ATRN: variants seen among roughly 807,000 people sequenced by gnomAD.
ATRN encodes the protein attractin.
Under a neutral mutation model 178.7 loss-of-function variants are expected in ATRN, and 54 were observed. The observed-to-expected ratio is 0.30, with a 90% CI of 0.24 to 0.38. The LOEUF is 0.38. Among genes scored for constraint, ATRN ranks in the 10% least tolerant of loss-of-function variants. ATRN has a pLI of 1.00. For synonymous variants in ATRN, 636 were observed against 663.0 expected, an observed-to-expected ratio of 0.96 and a Z score of 0.63; for missense variants, 1,443 against 1,815.1, an observed-to-expected ratio of 0.79 and a Z score of 3.73.
At chr20:3,539,281 G>A (rs2085585432) in intron 2 of ATRN, among the ~76,000 whole-genome samples, 1 of 152,182 alleles carries the variant, frequency 6.6e-6, no homozygotes, top group Non-Finnish European at 1.5e-5. Flanking sequence ...TAGAGTCACT[G>A]GAGGAAGCAA....
intron 4 of ATRN, among the ~76,000 whole-genome samples, chr20:3,546,389 GTT>G (rs559052230): frequency 1.6e-4 from 18 of 113,394 alleles, no homozygotes; most frequent in African/African-American, 3.5e-4. Flanking sequence ...TAGTTCAACT[GTT>G]TTTTTTTTTT....
At chr20:3,640,480 T>C (rs2087059415) in intron 27 of ATRN, among the ~76,000 whole-genome samples, 1 of 152,026 alleles carries the variant, frequency 6.6e-6, no homozygotes, top group Non-Finnish European at 1.5e-5. Context: ...AATATACAGA[T>C]TCCAGAAGCA....
At chr20:3,504,747 C>A (rs1291451046) in intron 1 of ATRN, among the ~76,000 whole-genome samples, 1 of 148,694 alleles carries the variant, frequency 6.7e-6, no homozygotes, top group African/African-American at 2.5e-5. Flanking sequence ...ATAGACTGCC[C>A]CTTTCCTCCC....
rs546157418 is a variant in ATRN at position 3,546,390 on chromosome 20, T to G, written c.737+500T>G. ...TATGAGATGCGTTATAGTTCAACTG[T>G]TTTTTTTTTTTTTTTTTTTGAGACG... is the stretch of plus-strand genomic sequence containing the variant. On this transcript the variant is annotated intron_variant, in intron 4 of 28. Transcript: ENST00000262919. Among the ~76,000 whole-genome samples the G allele has an allele frequency of 6.9e-4, 45 of 65,046 alleles. No individual in the cohort carries two copies. In the East Asian group the frequency reaches 0.017, roughly 25 times the overall value. The allele number at this position is 65,046 out of a possible 152,430, so 42.7% of individuals were successfully genotyped here.
At chr20:3,565,253 G>A (rs577093680) in intron 10 of ATRN, 95 bp from the exon 11 acceptor site, 3 of 891,594 alleles carry the variant, frequency 3.4e-6, no homozygotes, top group Admixed American at 2.5e-5. Flanking sequence ...GTTTTATGAG[G>A]TTCTCTTTGT....
At position 3,547,199 on chromosome 20, in the gene ATRN, T is replaced by A. The variant is rs2085716228; in HGVS notation, c.738-85T>A. The A allele has an allele frequency of 2.8e-6, 3 of 1,087,586 alleles. No homozygotes were observed. In the Admixed American group the frequency reaches 5.7e-5, roughly 21 times the overall value. The allele number at this position is 1,087,586 out of a possible 1,614,324, so 67.4% of individuals were successfully genotyped here. ...TGTGAATGAACTGAGACAGTGAGAT[T>A]CTTAAACTTGTGTGGGAGGAAGTTA... On this transcript the variant is annotated intron_variant, in intron 4 of 28. Coordinates refer to ENST00000262919, the MANE Select transcript of ATRN (RefSeq NM_139321.3).
chr20:3,566,549 T>G (rs2086038575), intron 11 of ATRN, among the ~76,000 whole-genome samples: 1 of 152,192 alleles, frequency 6.6e-6, no homozygotes, highest in African/African-American at 2.4e-5. Flanking sequence ...TAGAATTCCT[T>G]TGGCTTTTGA....
chr20:3,604,026 T>C (rs2146290553), intron 23 of ATRN, 79 bp from the exon 24 acceptor site: 1 of 1,235,868 alleles, frequency 8.1e-7, no homozygotes, highest in Admixed American at 2.9e-5. Flanking sequence ...ATTGTCCTTA[T>C]TATTAATGAG....
rs777341969 is a variant in ATRN at position 3,596,344 on chromosome 20, TAGC to T, written c.3417-30_3417-28del. 5.0e-6 allele frequency: 8 copies of T among 1,586,160 alleles called. No individual in the cohort carries two copies. The East Asian group carries it at 1.3e-4, about 27-fold the overall frequency. On this transcript the variant is annotated intron_variant, in intron 20 of 28. Transcript: ENST00000262919. ...AAATGAATTCAGTTTCTGTTTTAAA[TAGC>T]AGTATAAAATAGTCTTTTTTCCCCC...
chr20:3,550,351 G>A (rs573815807), intron 6 of ATRN, among the ~76,000 whole-genome samples: 1 of 152,278 alleles, frequency 6.6e-6, no homozygotes, highest in East Asian at 1.9e-4. Context: ...TTTTGTACTA[G>A]TGCCATGCTG....
At position 3,562,291 on chromosome 20, in the gene ATRN, G is replaced by A. The variant is rs2085964131; in HGVS notation, c.1463G>A (p.Ser488Asn). ...QEYDLDKNTWSILHTQGALVQ... is the reference protein window; with the variant it reads ...QEYDLDKNTWNILHTQGALVQ... Reference sequence around the variant, plus strand: ...TCCTTTCCAGATAAGAACACATGGAGTATATTACACACCCAGGGTGCCCTT... The same window carrying A: ...TCCTTTCCAGATAAGAACACATGGAATATATTACACACCCAGGGTGCCCTT... Residue 488 changes from serine (S) to asparagine (N), a missense_variant, in exon 9 of 29, where the codon AGT (serine) becomes AAT (asparagine). Around this residue, in one of 4 missense-constraint regions of ATRN, gnomAD observed 862 missense variants for 972.1 expected, o/e 0.89. Coordinates refer to ENST00000262919, the MANE Select transcript of ATRN (RefSeq NM_139321.3). 2 of 1,613,758 alleles carry A rather than the reference G, an allele frequency of 1.2e-6. No individual in the cohort carries two copies. The highest frequency in any genetic ancestry group is 8.5e-7 in the Non-Finnish European group (1 of 1,179,792).
intron 2 of ATRN, among the ~76,000 whole-genome samples, chr20:3,538,353 A>G (rs1183182176): frequency 6.6e-6 from 1 of 152,044 alleles, no homozygotes; most frequent in Admixed American, 6.6e-5. Context: ...TTCTCCTTGA[A>G]CCATTAGTAA....
rs2086118426 is a variant in ATRN at position 3,571,219 on chromosome 20, A to G, written c.1872-1512A>G. ...TGCTATTATTAACCCATTTATGCCTAGTGTTCCATTATTGGAACGCTAAGC... is the reference window on the plus strand; with the variant it reads ...TGCTATTATTAACCCATTTATGCCTGGTGTTCCATTATTGGAACGCTAAGC... On this transcript the variant is annotated intron_variant, in intron 11 of 28. Transcript: ENST00000262919. Among the ~76,000 whole-genome samples, 6 of 152,298 alleles carry G rather than the reference A, an allele frequency of 3.9e-5. No individual in the cohort carries two copies. In the South Asian group the frequency reaches 1.2e-3, roughly 32 times the overall value.
At chr20:3,558,682 CT>C (rs1411798413) in intron 6 of ATRN, among the ~76,000 whole-genome samples, 1 of 151,550 alleles carries the variant, frequency 6.6e-6, no homozygotes. Context: ...TTAAAAAAAA[CT>C]TTTAGCTCTT....
chr20:3,609,284 TAAA>T (rs931239862), intron 24 of ATRN, among the ~76,000 whole-genome samples: 3 of 152,308 alleles, frequency 2.0e-5, no homozygotes, highest in African/African-American at 7.2e-5. Flanking sequence ...TTGGAAGTTT[TAAA>T]AAAATCTATC....
chr20:3,489,687 G>T, intron 1 of ATRN: 2 of 1,571,638 alleles, frequency 1.3e-6, no homozygotes, highest in African/African-American at 1.3e-5. Context: ...TTCAATCTGC[G>T]TCACATTAGC....
chr20:3,545,009 G>A (rs1363112831), intron 3 of ATRN, among the ~76,000 whole-genome samples: 3 of 152,180 alleles, frequency 2.0e-5, no homozygotes, highest in East Asian at 3.9e-4. Context: ...AAATGCATCA[G>A]AATACTAACA....
At chr20:3,607,800 C>T (rs190706628) in intron 24 of ATRN, among the ~76,000 whole-genome samples, 1 of 152,152 alleles carries the variant, frequency 6.6e-6, no homozygotes. Context: ...ATACTGTCTT[C>T]CATAGTGGCT....
chr20:3,633,027 G>A (rs779948130), intron 25 of ATRN, among the ~76,000 whole-genome samples: 2 of 152,178 alleles, frequency 1.3e-5, no homozygotes, highest in East Asian at 1.9e-4. Flanking sequence ...CTACTCAGGA[G>A]GCTAAAAGAG....
Sources: allele counts gnomAD v4.1 joint callset (sites outside exome capture counted in the v4.1 genomes callset), GRCh38; gene constraint gnomAD v4.1.1; regional missense constraint gnomAD v4.1.1; transcripts MANE v1.5; gene names NCBI Gene and HGNC (gene_info 2026-07-23, HGNC 2026-07-21).